DHRSX: variants seen among roughly 807,000 people sequenced by gnomAD.
The protein encoded by DHRSX is dehydrogenase/reductase X-linked, also known as polyprenol dehydrogenase.
Under a neutral mutation model 34.0 loss-of-function variants are expected in DHRSX, and 31 were observed. The ratio of observed to expected loss-of-function variants is 0.91; its 90% CI spans 0.69 to 1.23. DHRSX has a LOEUF of 1.23. Among genes scored for constraint, DHRSX ranks in the 50% most tolerant of loss-of-function variants. DHRSX has a pLI of 0.00. For missense variants in DHRSX, 414 were observed against 428.1 expected (o/e 0.97, Z 0.29); for synonymous variants, 201 against 183.8 (o/e 1.09, Z -0.76).
At chrX:2,391,084 G>T (rs1223476942) in intron 3 of DHRSX, among the ~76,000 whole-genome samples, 1 of 152,110 alleles carries the variant, frequency 6.6e-6, no homozygotes, top group Non-Finnish European at 1.5e-5. Flanking sequence ...CTCCACCTTC[G>T]GGTTATTGTA....
At chrX:2,302,660 TAC>T (rs1182129706) in intron 3 of DHRSX, among the ~76,000 whole-genome samples, 8 of 152,070 alleles carry the variant, frequency 5.3e-5, no homozygotes, top group South Asian at 2.1e-4. Context: ...GGTATGATGG[TAC>T]ACACACTCCT....
intron 3 of DHRSX, among the ~76,000 whole-genome samples, chrX:2,375,475 C>T (rs1040828573): frequency 2.2e-5 from 3 of 137,996 alleles, no homozygotes; most frequent in East Asian, 2.0e-4. Context: ...GGGCACACGC[C>T]GTGTGGATGC....
At chrX:2,336,905 GGTTT>G (rs2042575127) in intron 3 of DHRSX, among the ~76,000 whole-genome samples, 1 of 152,006 alleles carries the variant, frequency 6.6e-6, no homozygotes, top group Admixed American at 6.6e-5. Context: ...AGAACATGCA[GGTTT>G]GTTACATAGG....
At chrX:2,474,954 C>T (rs5939469) in intron 1 of DHRSX, among the ~76,000 whole-genome samples, 15,976 of 151,548 alleles carry the variant, frequency 0.11, 1,101 homozygotes, top group Middle Eastern at 0.24. Flanking sequence ...AGGGACAGCA[C>T]TAAAGATGTT....
chrX:2,382,606 TCACCATCATCAC>T (rs2043217583), intron 3 of DHRSX, among the ~76,000 whole-genome samples: 1 of 80,602 alleles, frequency 1.2e-5, no homozygotes, highest in South Asian at 4.1e-4. Flanking sequence ...ATCATCACCA[TCACCATCATCAC>T]CACCATCATC....
chrX:2,451,287 AG>A (rs113375369), intron 1 of DHRSX, among the ~76,000 whole-genome samples: 10,370 of 150,864 alleles, frequency 0.069, 445 homozygotes, highest in African/African-American at 0.1. Context: ...AAAGGCAGCC[AG>A]GGATGCAAGC....
chrX:2,345,972 C>A (rs986683694), intron 3 of DHRSX, among the ~76,000 whole-genome samples: 4 of 152,162 alleles, frequency 2.6e-5, no homozygotes, highest in African/African-American at 9.7e-5. Flanking sequence ...TATTTCTCTG[C>A]AGTATCTTGA....
chrX:2,275,838 A>T (rs73628273), intron 4 of DHRSX, among the ~76,000 whole-genome samples: 87,065 of 148,802 alleles, frequency 0.59, 26,616 homozygotes, highest in Non-Finnish European at 0.72. Context: ...CCTTTTTTTA[A>T]AAATTTTAAT....
chrX:2,247,077 T>G (rs2016315036), intron 5 of DHRSX, among the ~76,000 whole-genome samples: 1 of 151,950 alleles, frequency 6.6e-6, no homozygotes, highest in Non-Finnish European at 1.5e-5. Flanking sequence ...GCCTCCTGAG[T>G]AGCTGGGATT....
intron 3 of DHRSX, among the ~76,000 whole-genome samples, chrX:2,298,158 G>A (rs1359986365): frequency 3.9e-5 from 6 of 152,040 alleles, no homozygotes; most frequent in Non-Finnish European, 4.4e-5. Flanking sequence ...GCCACAAGCC[G>A]TGGGATGCCT....
chrX:2,322,529 C>T (rs1374546628), intron 3 of DHRSX, among the ~76,000 whole-genome samples: 2 of 145,912 alleles, frequency 1.4e-5, no homozygotes, highest in Non-Finnish European at 3.0e-5. Context: ...AGCCTGACTC[C>T]AGGGCAACAG....
chrX:2,319,525 AGAGT>A (rs1322131642), intron 3 of DHRSX, among the ~76,000 whole-genome samples: 9 of 134,354 alleles, frequency 6.7e-5, no homozygotes, highest in Non-Finnish European at 1.1e-4. Context: ...CCTCGGTGAC[AGAGT>A]GAGACTCCAT....
At chrX:2,425,916 G>A (rs1200610846) in intron 1 of DHRSX, among the ~76,000 whole-genome samples, 1 of 152,124 alleles carries the variant, frequency 6.6e-6, no homozygotes, top group African/African-American at 2.4e-5. Flanking sequence ...CTTACAGTTG[G>A]CTAGTGTGAA....
chrX:2,295,594 A>C (rs141237915), intron 3 of DHRSX, among the ~76,000 whole-genome samples: 1 of 152,162 alleles, frequency 6.6e-6, no homozygotes, highest in East Asian at 1.9e-4. Flanking sequence ...AAACAAGAAG[A>C]AAAGGAAATG....
Position 2,265,860 on chromosome X carries a change from C to T in DHRSX, c.596+880G>A, listed in dbSNP as rs770999155. ...AGTGTACAGCAGACACAGGGAGCAC[C>T]GTCCCCAGAGCACCAATGCTCGGCG... On this transcript the variant is annotated intron_variant, in intron 5 of 6. Coordinates refer to ENST00000334651, the MANE Select transcript of DHRSX (RefSeq NM_145177.3). Among the ~76,000 whole-genome samples, 59 of 78,914 alleles carry T rather than the reference C, an allele frequency of 7.5e-4. No homozygotes were observed. In the East Asian group the frequency reaches 9.1e-3, roughly 12 times the overall value. 51.8% of individuals were successfully genotyped at this position (78,914 alleles called of 152,430 possible). A position where few individuals can be genotyped will look rare whatever the true frequency, so the allele number is the denominator to read the frequency against.
intron 5 of DHRSX, among the ~76,000 whole-genome samples, chrX:2,248,684 T>TGCC (rs1445426570): frequency 6.6e-6 from 1 of 150,910 alleles, no homozygotes; most frequent in Non-Finnish European, 1.5e-5. Flanking sequence ...TTCCTTGACC[T>TGCC]GCCTTGTTTG....
intron 5 of DHRSX, among the ~76,000 whole-genome samples, chrX:2,265,539 C>T (rs1468669411): frequency 1.5e-5 from 2 of 133,580 alleles, no homozygotes; most frequent in African/African-American, 2.9e-5. Context: ...GCAGGGAGCA[C>T]TGTCCCCAGA....
intron 6 of DHRSX, among the ~76,000 whole-genome samples, chrX:2,230,218 CATGT>C (rs370647404): frequency 2.6e-5 from 4 of 152,184 alleles, no homozygotes; most frequent in South Asian, 2.1e-4. Flanking sequence ...TACATGTGTG[CATGT>C]ATGTGTGCAT....
chrX:2,453,096 G>T (rs753443044), intron 1 of DHRSX, among the ~76,000 whole-genome samples: 88 of 152,266 alleles, frequency 5.8e-4, no homozygotes, highest in African/African-American at 2.0e-3. Flanking sequence ...GAAGATACAA[G>T]GTGAAGTGAA....
Sources: allele counts gnomAD v4.1 joint callset (sites outside exome capture counted in the v4.1 genomes callset), GRCh38; gene constraint gnomAD v4.1.1; transcripts MANE v1.5; gene names NCBI Gene and HGNC (gene_info 2026-07-23, HGNC 2026-07-21).